The following PHF24 variants were observed in gnomAD, a reference collection of about 807,000 sequenced individuals.
PHF24 encodes PHD finger protein 24.
In PHF24, 25 loss-of-function variants were observed where a neutral mutation model predicts 42.6. The ratio of observed to expected loss-of-function variants is 0.59; its 90% CI spans 0.43 to 0.82. The LOEUF (loss-of-function observed/expected upper bound fraction) is 0.82. Ranked by LOEUF, PHF24 falls within the 40% of genes least tolerant of loss-of-function variation. The pLI, the probability that PHF24 is intolerant of heterozygous loss-of-function variation, is 0.00. For synonymous variants in PHF24, 185 were observed against 204.8 expected, an observed-to-expected ratio of 0.90 and a Z score of 0.83; for missense variants, 470 against 538.1, an observed-to-expected ratio of 0.87 and a Z score of 1.25.
the PHF24 span, among the ~76,000 whole-genome samples, chr9:34,728,922 G>A: frequency 6.6e-6 from 1 of 152,296 alleles, no homozygotes; most frequent in Non-Finnish European, 1.5e-5. Context: ...GGATGACACA[G>A]GAGGAAAAGC....
At chr9:34,921,886 A>G in the PHF24 span, among the ~76,000 whole-genome samples, 3 of 152,218 alleles carry the variant, frequency 2.0e-5, no homozygotes, top group Non-Finnish European at 4.4e-5. Flanking sequence ...CAGTTTTAAC[A>G]CTGGCCCTTG....
chr9:34,971,649 A>G (rs377243462), exon 2 of PHF24: 6 of 1,612,698 alleles, frequency 3.7e-6, no homozygotes, highest in Non-Finnish European at 5.1e-6. Context: ...ACAAACCTCC[A>G]GAAATCTGCC....
chr9:34,671,076 G>T, the PHF24 span, among the ~76,000 whole-genome samples: 193 of 152,288 alleles, frequency 1.3e-3, 9 homozygotes, highest in South Asian at 0.039. Flanking sequence ...AGCCAGCACT[G>T]TCCCTCTCCC....
chr9:34,698,032 T>C, the PHF24 span, among the ~76,000 whole-genome samples: 1 of 152,172 alleles, frequency 6.6e-6, no homozygotes, highest in African/African-American at 2.4e-5. Context: ...TATGTGGTGG[T>C]AGCTAATTAA....
chr9:34,753,255 T>C, the PHF24 span, among the ~76,000 whole-genome samples: 1 of 152,094 alleles, frequency 6.6e-6, no homozygotes, highest in Non-Finnish European at 1.5e-5. Context: ...TGGAAAAACC[T>C]AGAAACTTCA....
chr9:34,938,809 C>T, the PHF24 span, among the ~76,000 whole-genome samples: 153 of 150,786 alleles, frequency 1.0e-3, 2 homozygotes, highest in African/African-American at 3.5e-3. Flanking sequence ...TGGTGGCGGG[C>T]GCCTGTAGTC....
the PHF24 span, among the ~76,000 whole-genome samples, chr9:34,831,592 G>T: frequency 6.6e-6 from 1 of 152,084 alleles, no homozygotes; most frequent in African/African-American, 2.4e-5. Context: ...TTGCCTCCTG[G>T]CTCTAGGCTC....
At chr9:34,943,493 C>A in the PHF24 span, among the ~76,000 whole-genome samples, 6 of 152,142 alleles carry the variant, frequency 3.9e-5, no homozygotes, top group African/African-American at 1.4e-4. Context: ...TCTCTGTAGA[C>A]CTCGTATTCT....
the PHF24 span, among the ~76,000 whole-genome samples, chr9:34,705,118 TG>T: frequency 8.5e-5 from 13 of 152,226 alleles, no homozygotes; most frequent in African/African-American, 3.1e-4. Context: ...TACTGGCATA[TG>T]AATATTCAGT....
At chr9:34,853,624 C>T in the PHF24 span, among the ~76,000 whole-genome samples, 117 of 151,426 alleles carry the variant, frequency 7.7e-4, no homozygotes, top group African/African-American at 2.8e-3. Flanking sequence ...GTCAGGAGAT[C>T]GAGACCATCC....
chr9:34,945,949 T>C, the PHF24 span, among the ~76,000 whole-genome samples: 3 of 152,164 alleles, frequency 2.0e-5, no homozygotes, highest in African/African-American at 7.2e-5. Flanking sequence ...GAGTCCTACA[T>C]CTTGTCAGAA....
the PHF24 span, among the ~76,000 whole-genome samples, chr9:34,937,113 G>T: frequency 3.9e-5 from 6 of 151,936 alleles, no homozygotes; most frequent in African/African-American, 7.2e-5. Flanking sequence ...GAAGTGAGGA[G>T]CCCCTCTGCC....
chr9:34,860,116 C>G, the PHF24 span, among the ~76,000 whole-genome samples: 1 of 152,294 alleles, frequency 6.6e-6, no homozygotes, highest in African/African-American at 2.4e-5. Context: ...TTGAGTTTCC[C>G]CTCCTTGCAC....
chr9:34,922,647 C>T, the PHF24 span: 1 of 1,101,818 alleles, frequency 9.1e-7, no homozygotes, highest in Non-Finnish European at 1.4e-6. Context: ...TTGCAGCTAT[C>T]TCTTAGCTAG....
the PHF24 span, among the ~76,000 whole-genome samples, chr9:34,783,932 C>G: frequency 6.6e-6 from 1 of 152,152 alleles, no homozygotes; most frequent in South Asian, 2.1e-4. Context: ...TTTTCTTAGA[C>G]CAGTAAAACT....
chr9:34,929,681 T>C, the PHF24 span, among the ~76,000 whole-genome samples: 2 of 152,232 alleles, frequency 1.3e-5, no homozygotes, highest in Admixed American at 1.3e-4. Flanking sequence ...GCAATCTGTA[T>C]TGTCGCCCCC....
chr9:34,820,743 A>G, the PHF24 span, among the ~76,000 whole-genome samples: 1 of 152,156 alleles, frequency 6.6e-6, no homozygotes, highest in Admixed American at 6.5e-5. Context: ...TCCTTTGGGT[A>G]TATACCCAAT....
chr9:34,966,587 C>A (rs10122284), intron 1 of PHF24, among the ~76,000 whole-genome samples: 15 of 151,656 alleles, frequency 9.9e-5, no homozygotes, highest in Admixed American at 2.6e-4. Flanking sequence ...GAGACCCCCC[C>A]CCTCGCCCCA....
the PHF24 span, among the ~76,000 whole-genome samples, chr9:34,840,696 TATTTC>T: frequency 1.3e-5 from 2 of 152,098 alleles, no homozygotes; most frequent in Non-Finnish European, 2.9e-5. Context: ...ATTACAGTCT[TATTTC>T]ATTTAATAAA....
Sources: allele counts gnomAD v4.1 joint callset (sites outside exome capture counted in the v4.1 genomes callset), GRCh38; gene constraint gnomAD v4.1.1; transcripts MANE v1.5; gene names NCBI Gene and HGNC (gene_info 2026-07-23, HGNC 2026-07-21).